The following MGMT variants were observed in gnomAD, a reference collection of about 807,000 sequenced individuals.
MGMT encodes the protein O-6-methylguanine-DNA methyltransferase, also known as methylated-DNA--protein-cysteine methyltransferase.
In MGMT, 14 loss-of-function variants were observed where a neutral mutation model predicts 15.9. The ratio of observed to expected loss-of-function variants is 0.88; its 90% CI spans 0.58 to 1.37. The LOEUF (loss-of-function observed/expected upper bound fraction) is 1.37. Among genes scored for constraint, MGMT ranks in the 40% most tolerant of loss-of-function variants. MGMT has a pLI of 0.00. For synonymous variants in MGMT, 130 were observed against 118.2 expected (o/e 1.10, Z -0.65); for missense variants, 282 against 268.1 (o/e 1.05, Z -0.36).
chr10:129,763,517 A>G (rs1315443275), intron 4 of MGMT, among the ~76,000 whole-genome samples: 1 of 152,218 alleles, frequency 6.6e-6, no homozygotes, highest in Middle Eastern at 3.2e-3. Context: ...GCATTGATGT[A>G]CAGGAAGAGG....
At chr10:129,557,033 C>T (rs921106486) in intron 2 of MGMT, among the ~76,000 whole-genome samples, 4 of 152,318 alleles carry the variant, frequency 2.6e-5, no homozygotes, top group Non-Finnish European at 4.4e-5. Flanking sequence ...CAGTCAGACT[C>T]GCTTCGCCCT....
chr10:129,625,249 C>T (rs188309007), intron 2 of MGMT, among the ~76,000 whole-genome samples: 9 of 152,250 alleles, frequency 5.9e-5, no homozygotes, highest in African/African-American at 2.2e-4. Flanking sequence ...AAAATCTAGG[C>T]CCATACAGCT....
intron 1 of MGMT, among the ~76,000 whole-genome samples, chr10:129,498,042 T>C (rs1394394486): frequency 6.6e-6 from 1 of 152,202 alleles, no homozygotes; most frequent in Non-Finnish European, 1.5e-5. Flanking sequence ...TTGCCTTGTT[T>C]TTTGTGACCC....
At chr10:129,483,905 G>A (rs1387842099) in intron 1 of MGMT, among the ~76,000 whole-genome samples, 1 of 152,126 alleles carries the variant, frequency 6.6e-6, no homozygotes, top group Non-Finnish European at 1.5e-5. Flanking sequence ...GATAGATATA[G>A]ATATAGATAC....
chr10:129,576,925 C>T (rs1846490518), intron 2 of MGMT, among the ~76,000 whole-genome samples: 1 of 152,136 alleles, frequency 6.6e-6, no homozygotes, highest in Admixed American at 6.5e-5. Flanking sequence ...TGAGTGAACT[C>T]CCATTCACAG....
At chr10:129,551,817 G>T (rs976817324) in intron 2 of MGMT, among the ~76,000 whole-genome samples, 1 of 152,198 alleles carries the variant, frequency 6.6e-6, no homozygotes, top group African/African-American at 2.4e-5. Context: ...GAGGGGTCAG[G>T]CATAGCCTCC....
At chr10:129,657,907 A>C (rs1014348568) in intron 2 of MGMT, among the ~76,000 whole-genome samples, 1 of 152,028 alleles carries the variant, frequency 6.6e-6, no homozygotes, top group Admixed American at 6.5e-5. Flanking sequence ...CAAAGCCTGA[A>C]CCGGCCCTTC....
chr10:129,537,390 C>CA (rs1437208022), intron 2 of MGMT, among the ~76,000 whole-genome samples: 1 of 152,050 alleles, frequency 6.6e-6, no homozygotes, highest in Middle Eastern at 3.2e-3. Context: ...TTTTTGAGAC[C>CA]AAAAAATAAG....
intron 3 of MGMT, among the ~76,000 whole-genome samples, chr10:129,746,133 G>A (rs1848692386): frequency 6.6e-6 from 1 of 151,680 alleles, no homozygotes; most frequent in Admixed American, 6.6e-5. Context: ...CAGCTACTCA[G>A]GAGGCTGAAG....
At position 129,741,003 on chromosome 10, in the gene MGMT, C is replaced by T. The variant is rs193216745; in HGVS notation, c.275-18199C>T. 3.5e-3 allele frequency among the ~76,000 whole-genome samples: 527 copies of T among 152,252 alleles called. 7 individuals are homozygous for T. The highest frequency in any genetic ancestry group is 0.012 in the African/African-American group (501 of 41,546). ...GCTCAAACTTGCATTTTCTGAGGAGCGTCTGTTGGATGCCTTTGGCCCTTG... is the reference window on the plus strand; with the variant it reads ...GCTCAAACTTGCATTTTCTGAGGAGTGTCTGTTGGATGCCTTTGGCCCTTG... On this transcript the variant is annotated intron_variant, in intron 3 of 4. Coordinates refer to ENST00000651593, the MANE Select transcript of MGMT (RefSeq NM_002412.5).
At chr10:129,699,560 A>T (rs1033170248) in intron 2 of MGMT, among the ~76,000 whole-genome samples, 1 of 152,144 alleles carries the variant, frequency 6.6e-6, no homozygotes, top group Admixed American at 6.5e-5. Flanking sequence ...CATTATTGAC[A>T]TTAGTACATG....
chr10:129,744,266 C>T (rs1352926402), intron 3 of MGMT, among the ~76,000 whole-genome samples: 1 of 152,162 alleles, frequency 6.6e-6, no homozygotes, highest in Non-Finnish European at 1.5e-5. Context: ...AGGCATTGGA[C>T]GGGGCTGCTG....
chr10:129,491,431 T>G (rs1433788426), intron 1 of MGMT, among the ~76,000 whole-genome samples: 2 of 152,170 alleles, frequency 1.3e-5, no homozygotes, highest in African/African-American at 4.8e-5. Context: ...GTTTTCTTCA[T>G]ATTTATTCTG....
chr10:129,594,906 C>T (rs1202127791), intron 2 of MGMT, among the ~76,000 whole-genome samples: 2 of 152,210 alleles, frequency 1.3e-5, no homozygotes, highest in Admixed American at 6.5e-5. Context: ...GCATTGCCGG[C>T]ACACCCGTCA....
At chr10:129,505,513 C>G (rs11016819) in intron 1 of MGMT, among the ~76,000 whole-genome samples, 23,693 of 152,034 alleles carry the variant, frequency 0.16, 2,563 homozygotes, top group African/African-American at 0.3. Flanking sequence ...TATCATGGAG[C>G]TCAGATAGAT....
chr10:129,619,153 G>GT (rs998649555), intron 2 of MGMT, among the ~76,000 whole-genome samples: 3 of 152,106 alleles, frequency 2.0e-5, no homozygotes, highest in Non-Finnish European at 4.4e-5. Flanking sequence ...TAGGCTGAGA[G>GT]TTTTATTACG....
At chr10:129,751,375 T>C (rs984985775) in intron 3 of MGMT, among the ~76,000 whole-genome samples, 4 of 151,990 alleles carry the variant, frequency 2.6e-5, no homozygotes, top group African/African-American at 4.8e-5. Context: ...CAATATCTTC[T>C]CTTTTATTCC....
intron 1 of MGMT, among the ~76,000 whole-genome samples, chr10:129,513,666 C>T (rs1372011395): frequency 2.0e-5 from 3 of 152,122 alleles, no homozygotes; most frequent in Non-Finnish European, 2.9e-5. Flanking sequence ...TGTTCAGCAT[C>T]GGAAAACAAG....
intron 2 of MGMT, among the ~76,000 whole-genome samples, chr10:129,574,428 A>T (rs945122694): frequency 7.9e-5 from 12 of 152,238 alleles, no homozygotes; most frequent in African/African-American, 2.2e-4. Flanking sequence ...GAGAAACTTC[A>T]TAAGATTTTG....
Sources: gnomAD v4.1 joint callset for allele counts (sites outside exome capture counted in the v4.1 genomes callset) on GRCh38, gnomAD v4.1.1 for gene constraint, MANE v1.5 for transcripts, NCBI Gene and HGNC (gene_info 2026-07-23, HGNC 2026-07-21) for gene names.